Variants in CNPY1 observed in about 807,000 individuals in gnomAD.
CNPY1 encodes canopy FGF signaling regulator 1, also known as protein canopy homolog 1.
A neutral mutation model predicts 14.4 loss-of-function variants in CNPY1; 14 were observed. The ratio of observed to expected loss-of-function variants is 0.97; its 90% CI spans 0.64 to 1.52. CNPY1 has a LOEUF of 1.52. CNPY1 is among the 40% of genes most tolerant of loss of function. The pLI is 0.00. For synonymous variants in CNPY1, 43 were observed against 46.5 expected (o/e 0.92, Z 0.31); for missense variants, 129 against 131.5 (o/e 0.98, Z 0.09).
intron 2 of CNPY1, among the ~76,000 whole-genome samples, chr7:155,543,092 T>A (rs1258017573): frequency 1.3e-5 from 2 of 152,086 alleles, no homozygotes; most frequent in Non-Finnish European, 2.9e-5. Context: ...CCCTGTGGCA[T>A]CAGCACCCTC....
intron 2 of CNPY1, among the ~76,000 whole-genome samples, chr7:155,537,432 T>G (rs1163477694): frequency 3.3e-5 from 5 of 151,552 alleles, no homozygotes; most frequent in African/African-American, 2.4e-5. Flanking sequence ...TTCTTTTTTT[T>G]TTTTTTTTGA....
At position 155,543,487 on chromosome 7, in the gene CNPY1, C is replaced by T. The variant is rs1797125409; in HGVS notation, c.99+2344G>A. The stretch of plus-strand genomic sequence containing the variant: ...AGCCTGCTGACGGAAGAAAACAATG[C>T]CACAGGAATGTGAATCACAGCAAGG... On this transcript the variant is annotated intron_variant, in intron 2 of 4. Transcript: ENST00000636446. Among the ~76,000 whole-genome samples the T allele has an allele frequency of 2.0e-5, 3 of 152,192 alleles. No homozygotes were observed. The South Asian group carries it at 6.2e-4, about 32-fold the overall frequency.
chr7:155,516,430 AGT>A (rs1489716624), intron 2 of CNPY1, among the ~76,000 whole-genome samples: 1 of 152,172 alleles, frequency 6.6e-6, no homozygotes, highest in African/African-American at 2.4e-5. Flanking sequence ...TGAGGACCCC[AGT>A]GTTTCAGGGC....
At chr7:155,543,296 T>C (rs1797122673) in intron 2 of CNPY1, among the ~76,000 whole-genome samples, 1 of 152,128 alleles carries the variant, frequency 6.6e-6, no homozygotes, top group Non-Finnish European at 1.5e-5. Context: ...CCTTCTTTTG[T>C]TCTTCACTGA....
chr7:155,509,062 A>T lies in CNPY1; in HGVS notation c.135T>A (p.Asp45Glu). 1 of 1,605,810 alleles carries T rather than the reference A, an allele frequency of 6.2e-7. No homozygotes were observed. The highest frequency in any genetic ancestry group is 1.3e-5 in the African/African-American group (1 of 74,190). The change falls in exon 3 of 5, where the codon GAT becomes GAA. Residue 45 changes from aspartate to glutamate, a missense_variant. Physicochemically the swap from Asp to Glu is conservative, Grantham distance 45. Transcript: ENST00000636446. ...PLAQSEAFLTDLLEKVCERMN... is the reference protein window; with the variant it reads ...PLAQSEAFLTELLEKVCERMN... ...TTCGCTCACAGACTTTCTCCAAAAGATCCGTTAGGAACGCCTCCGACTGAG... is the reference window on the plus strand; with the variant it reads ...TTCGCTCACAGACTTTCTCCAAAAGTTCCGTTAGGAACGCCTCCGACTGAG...
intron 2 of CNPY1, chr7:155,510,596 C>T (rs1180929109): frequency 6.6e-6 from 1 of 152,164 alleles, no homozygotes; most frequent in Non-Finnish European, 1.5e-5. Context: ...TAGAATATAC[C>T]ACCACACGTA....
intron 2 of CNPY1, among the ~76,000 whole-genome samples, chr7:155,535,668 T>C (rs1298416767): frequency 6.6e-6 from 1 of 152,058 alleles, no homozygotes; most frequent in African/African-American, 2.4e-5. Flanking sequence ...AGGCTTCAAA[T>C]AGGGAGGTGA....
chr7:155,539,539 C>T (rs760794869), intron 2 of CNPY1, among the ~76,000 whole-genome samples: 1 of 152,200 alleles, frequency 6.6e-6, no homozygotes, highest in Non-Finnish European at 1.5e-5. Flanking sequence ...AGGTTGCACA[C>T]TGCACAGCTC....
chr7:155,508,942 A>T lies in CNPY1; in HGVS notation c.255T>A (p.Phe85Leu). The T allele has an allele frequency of 6.2e-7, 1 of 1,613,542 alleles. No homozygotes were observed. The highest frequency in any genetic ancestry group is 1.7e-4 in the Middle Eastern group (1 of 6,054). The change falls in exon 3 of 5, where the codon TTT (phenylalanine) becomes TTA (leucine). Residue 85 changes from phenylalanine (F) to leucine (L), a missense_variant. Physicochemically the swap from Phe to Leu is conservative, Grantham distance 22. Transcript: ENST00000636446. Reference sequence around the variant, plus strand: ...CATCAGAATAAAAATACAATTTTTTAAATTCTTGGTATATTTTGTCTCCTT... The same window carrying T: ...CATCAGAATAAAAATACAATTTTTTTAATTCTTGGTATATTTTGTCTCCTT... ...PRKGDKIYQE[F>L]KKLYFYSDAY...
At chr7:155,545,269 C>T (rs561087426) in intron 2 of CNPY1, among the ~76,000 whole-genome samples, 1 of 152,282 alleles carries the variant, frequency 6.6e-6, no homozygotes, top group Admixed American at 6.5e-5. Flanking sequence ...GAAGGTGTCC[C>T]CTAATGGGTC....
intron 2 of CNPY1, among the ~76,000 whole-genome samples, chr7:155,526,229 G>C (rs903411507): frequency 6.6e-6 from 1 of 152,184 alleles, no homozygotes; most frequent in Non-Finnish European, 1.5e-5. Flanking sequence ...CAGTGTGGGG[G>C]AGCAAGGCTT....
At chr7:155,521,183 G>A (rs990783099) in intron 2 of CNPY1, among the ~76,000 whole-genome samples, 1 of 152,234 alleles carries the variant, frequency 6.6e-6, no homozygotes, top group Non-Finnish European at 1.5e-5. Flanking sequence ...AAGAATCCTC[G>A]GCTGTGGGTG....
chr7:155,523,616 C>A (rs1796766692), intron 2 of CNPY1, among the ~76,000 whole-genome samples: 1 of 152,130 alleles, frequency 6.6e-6, no homozygotes. Context: ...CACCCAAGAA[C>A]AACCCACAGA....
At chr7:155,506,890 C>A in intron 4 of CNPY1, 130 bp downstream of exon 4, 1 of 653,074 alleles carries the variant, frequency 1.5e-6, no homozygotes, top group Non-Finnish European at 2.7e-6. Flanking sequence ...TCAGCGGAGA[C>A]GGGGGATCCT....
intron 2 of CNPY1, among the ~76,000 whole-genome samples, chr7:155,519,834 A>G (rs1186927378): frequency 6.6e-6 from 1 of 152,130 alleles, no homozygotes; most frequent in Non-Finnish European, 1.5e-5. Context: ...TCCACCCCAC[A>G]TATTCACACT....
chr7:155,527,699 G>A (rs555082168), intron 2 of CNPY1, among the ~76,000 whole-genome samples: 3 of 151,096 alleles, frequency 2.0e-5, no homozygotes, highest in South Asian at 2.1e-4. Context: ...CTATCCTCCC[G>A]CCTTGGCCTC....
At chr7:155,543,606 AG>A (rs907279042) in intron 2 of CNPY1, among the ~76,000 whole-genome samples, 1 of 152,190 alleles carries the variant, frequency 6.6e-6, no homozygotes, top group African/African-American at 2.4e-5. Context: ...CTGGGACGTG[AG>A]GGGGTCACTC....
At chr7:155,512,237 T>C (rs1796545208) in intron 2 of CNPY1, among the ~76,000 whole-genome samples, 1 of 152,186 alleles carries the variant, frequency 6.6e-6, no homozygotes, top group Admixed American at 6.5e-5. Context: ...CTGGCACAGT[T>C]TTCTTATCTG....
intron 2 of CNPY1, among the ~76,000 whole-genome samples, chr7:155,531,215 G>A (rs1796932281): frequency 6.6e-6 from 1 of 152,202 alleles, no homozygotes. Context: ...GCTGCAAACG[G>A]TGTGACCACT....
Sources: gnomAD v4.1 joint callset for allele counts (sites outside exome capture counted in the v4.1 genomes callset) on GRCh38, gnomAD v4.1.1 for gene constraint, MANE v1.5 for transcripts, NCBI Gene and HGNC (gene_info 2026-07-23, HGNC 2026-07-21) for gene names.